Variants in BCL6 observed in about 807,000 individuals in gnomAD.
BCL6 encodes the protein BCL6 transcription repressor.
In BCL6, 7 loss-of-function variants were observed where a neutral mutation model predicts 59.5. The observed-to-expected ratio is 0.12, with a 90% CI of 0.07 to 0.22. The LOEUF (loss-of-function observed/expected upper bound fraction) is 0.22. Among genes scored for constraint, BCL6 ranks in the 10% least tolerant of loss-of-function variants. The pLI is 1.00. For synonymous variants in BCL6, 339 were observed against 349.7 expected, an observed-to-expected ratio of 0.97 and a Z score of 0.34; for missense variants, 685 against 939.4, an observed-to-expected ratio of 0.73 and a Z score of 3.54.
rs377166099 is a variant in BCL6 at position 187,731,793 on chromosome 3, C to T, written c.299G>A (p.Gly100Asp). ...MYTSRLNLRE[G>D]NIMAVMATAM... ...CGTGGCCATCACAGCCATGATGTTG[C>T]CCTCCCGCAAATTGAGCCGAGATGT... Residue 100 changes from glycine to aspartate, a missense_variant, in exon 4 of 10, where the codon GGC becomes GAC. This residue lies in a region of BCL6 where 102 missense variants were observed against 176.6 expected (regional missense o/e 0.58). Transcript: ENST00000406870. 1.2e-6 allele frequency: 2 copies of T among 1,614,162 alleles called. No homozygotes were observed. The highest frequency in any genetic ancestry group is 1.7e-6 in the Non-Finnish European group (2 of 1,180,030).
Position 187,722,313 on chromosome 3 carries a change from C to CCCCCCCCCCCCCCA in BCL6, c.*144_*145insTGGGGGGGGGGGGG. The CCCCCCCCCCCCCCA allele has an allele frequency of 2.7e-6, 1 of 367,362 alleles. No homozygotes were observed. The highest frequency in any genetic ancestry group is 4.4e-6 in the Non-Finnish European group (1 of 227,120). The allele number at this position is 367,362 out of a possible 1,614,324, so 22.8% of individuals were successfully genotyped here. A position where few individuals can be genotyped will look rare whatever the true frequency, so the allele number is the denominator to read the frequency against. On this transcript the variant is annotated 3_prime_UTR_variant, in exon 10 of 10. Coordinates refer to ENST00000406870, the MANE Select transcript of BCL6 (RefSeq NM_001706.5). Reference sequence around the variant, plus strand: ...GCTCCCAGTCCCCCAGGCCCCGACCCCCACCACCCCCAACCCCCAGCTATG... The same window carrying CCCCCCCCCCCCCCA: ...GCTCCCAGTCCCCCAGGCCCCGACCCCCCCCCCCCCCCCACCACCACCCCCAACCCCCAGCTATG...
chr3:187,744,277 C>T (rs1427373782), intron 1 of BCL6, among the ~76,000 whole-genome samples: 1 of 152,214 alleles, frequency 6.6e-6, no homozygotes, highest in Admixed American at 6.5e-5. Context: ...TCCCTGAGTC[C>T]CCCCGCACAC....
chr3:187,729,675 G>A lies in BCL6; in HGVS notation c.730C>T (p.Arg244Trp), dbSNP rs529677174. ...SARPVPGEYS[R>W]PTLEVSPNVC... ...TTGGGGGACACCTCCAAAGTCGGCC[G>A]GCTGTACTCACCAGGGACTGGCCTG... is the stretch of plus-strand genomic sequence containing the variant. The change falls in exon 5 of 10, where the codon CGG (arginine) becomes TGG (tryptophan). Residue 244 changes from arginine (R) to tryptophan (W), a missense_variant. Arg to Trp is a moderately radical substitution (Grantham distance 101, BLOSUM62 -3). Around this residue, in one of 7 missense-constraint regions of BCL6, gnomAD observed 268 missense variants for 263.8 expected, o/e 1.02. Coordinates refer to ENST00000406870, the MANE Select transcript of BCL6 (RefSeq NM_001706.5). The surrounding 1 kb of genome is among the most constrained non-coding windows in gnomAD (Gnocchi z 5.6). 3.5e-5 allele frequency: 56 copies of A among 1,614,128 alleles called. No homozygotes were observed. The highest frequency in any genetic ancestry group is 4.5e-5 in the Non-Finnish European group (53 of 1,180,016).
intron 2 of BCL6, chr3:187,734,363 A>C (rs1387450473): frequency 6.5e-6 from 1 of 154,170 alleles, no homozygotes; most frequent in Non-Finnish European, 1.4e-5. Context: ...TTTTAAGATT[A>C]TCAGGCTAGA....
chr3:187,725,362 C>A lies in BCL6; in HGVS notation c.1839+137G>T. 4 of 1,494,514 alleles carry A rather than the reference C, an allele frequency of 2.7e-6. No individual in the cohort carries two copies. The highest frequency in any genetic ancestry group is 3.6e-6 in the Non-Finnish European group (4 of 1,117,204). 92.6% of individuals were successfully genotyped at this position (1,494,514 alleles called of 1,614,324 possible). Reference sequence around the variant, plus strand: ...GGACTGAGTGGGACTTTCTCCTGCCCGCTCTGCTCACCTGCCCGCTCCGCT... The same window carrying A: ...GGACTGAGTGGGACTTTCTCCTGCCAGCTCTGCTCACCTGCCCGCTCCGCT... On this transcript the variant is annotated intron_variant, in intron 8 of 9. Coordinates refer to ENST00000406870, the MANE Select transcript of BCL6 (RefSeq NM_001706.5). This position sits in a 1 kb window ranked among gnomAD's most constrained non-coding sequence, Gnocchi z 4.7.
At chr3:187,743,547 T>C (rs535774767) in intron 1 of BCL6, among the ~76,000 whole-genome samples, 1 of 151,812 alleles carries the variant, frequency 6.6e-6, no homozygotes, top group African/African-American at 2.4e-5. Flanking sequence ...AAAAAATCGG[T>C]TTGGTTGTGT....
intron 1 of BCL6, among the ~76,000 whole-genome samples, chr3:187,745,068 C>G (rs562721016): frequency 2.0e-5 from 3 of 152,040 alleles, no homozygotes; most frequent in Admixed American, 6.5e-5. Flanking sequence ...CAAAACAACA[C>G]AAGGGAGGGT....
At chr3:187,723,839 T>C (rs1436185810) in intron 9 of BCL6, among the ~76,000 whole-genome samples, 1 of 152,244 alleles carries the variant, frequency 6.6e-6, no homozygotes. Context: ...TCTGATATCC[T>C]AGGCATCTAA....
intron 4 of BCL6, among the ~76,000 whole-genome samples, chr3:187,730,644 C>T (rs1004491259): frequency 5.3e-5 from 8 of 152,200 alleles, no homozygotes; most frequent in Non-Finnish European, 1.0e-4. Flanking sequence ...CACTTAGCAG[C>T]TGGTGACATG....
intron 4 of BCL6, 28 bp from the exon 5 acceptor site, chr3:187,730,049 C>T (rs73184659): frequency 0.017 from 26,166 of 1,526,610 alleles, 288 homozygotes; most frequent in Non-Finnish European, 0.021. Context: ...AGGAAAGACA[C>T]CGGCCCCAAA....
At chr3:187,744,728 A>C (rs1258287916) in intron 1 of BCL6, among the ~76,000 whole-genome samples, 1 of 152,012 alleles carries the variant, frequency 6.6e-6, no homozygotes, top group African/African-American at 2.4e-5. Context: ...TGCCTCCCGG[A>C]GTTACCCAGA....
Position 187,725,310 on chromosome 3 carries a change from C to T in BCL6, c.1839+189G>A, listed in dbSNP as rs535937461. On this transcript the variant is annotated intron_variant, in intron 8 of 9. Coordinates refer to ENST00000406870, the MANE Select transcript of BCL6 (RefSeq NM_001706.5). The surrounding 1 kb of genome is among the most constrained non-coding windows in gnomAD (Gnocchi z 4.7). ...CTGCTCACCTGCCCGCTCTGCTCAC[C>T]TGCCCGCTCTGCTCACCTGCACACG... 1.3e-5 allele frequency among the ~76,000 whole-genome samples: 2 copies of T among 152,030 alleles called. No homozygotes were observed. Among genetic ancestry groups the T allele is most frequent in the South Asian group, 4.2e-4 (2 of 4,796 alleles).
intron 6 of BCL6, among the ~76,000 whole-genome samples, chr3:187,727,419 A>G (rs1718769383): frequency 6.6e-6 from 1 of 152,216 alleles, no homozygotes; most frequent in Non-Finnish European, 1.5e-5. Context: ...AATGTAAGAT[A>G]TAGGTCAAAT....
chr3:187,729,223 C>G lies in BCL6; in HGVS notation c.1182G>C (p.Gly394=), dbSNP rs745644008. Residue 394 remains glycine, a synonymous_variant, in exon 5 of 10, where the codon GGG becomes GGC. Transcript: ENST00000406870. The surrounding 1 kb of genome is among the most constrained non-coding windows in gnomAD (Gnocchi z 5.6). ...NSLNQNAKPE[G]PEQAELGRLS... is the part of the protein sequence containing the mutation. Reference sequence around the variant, plus strand: ...GGCGGCCCAGCTCAGCCTGCTCAGGCCCCTCTGGTTTGGCATTCTGGTTGA... The same window carrying G: ...GGCGGCCCAGCTCAGCCTGCTCAGGGCCCTCTGGTTTGGCATTCTGGTTGA... 4.5e-5 allele frequency: 73 copies of G among 1,613,980 alleles called. No homozygotes were observed. Among genetic ancestry groups the G allele is most frequent in the Middle Eastern group, 1.6e-4 (1 of 6,080 alleles).
chr3:187,725,635 A>G lies in BCL6; in HGVS notation c.1709-6T>C, dbSNP rs1192834826. On this transcript the variant is annotated splice_polypyrimidine_tract_variant and splice_region_variant and intron_variant, in intron 7 of 9. Transcript: ENST00000406870. This position sits in a 1 kb window ranked among gnomAD's most constrained non-coding sequence, Gnocchi z 4.7. ...GCAACGATAGGGTTTCTCACCTATTACCAAGAAAAAGGGAAAAAGAAAAGC... is the reference window on the plus strand; with the variant it reads ...GCAACGATAGGGTTTCTCACCTATTGCCAAGAAAAAGGGAAAAAGAAAAGC... The G allele has an allele frequency of 1.9e-6, 3 of 1,613,990 alleles. No individual in the cohort carries two copies.
intron 1 of BCL6, among the ~76,000 whole-genome samples, chr3:187,743,570 TG>T (rs887745503): frequency 2.0e-5 from 3 of 152,092 alleles, no homozygotes; most frequent in Non-Finnish European, 4.4e-5. Flanking sequence ...TTGTTTTCCA[TG>T]GGGGAGCTTT....
chr3:187,724,700 C>T (rs1438798511), intron 9 of BCL6: 1 of 543,714 alleles, frequency 1.8e-6, no homozygotes, highest in East Asian at 3.2e-5. Flanking sequence ...CACCTAGTCC[C>T]ATACCCTCAT....
At position 187,736,581 on chromosome 3, in the gene BCL6, C is replaced by G. The variant is rs141523261; in HGVS notation, c.-49-1674G>C. 4.6e-5 allele frequency: 7 copies of G among 152,314 alleles called. No homozygotes were observed. In the East Asian group the frequency reaches 1.4e-3, roughly 29 times the overall value. 9.4% of individuals were successfully genotyped at this position (152,314 alleles called of 1,614,324 possible). On this transcript the variant is annotated intron_variant, in intron 1 of 9. Transcript: ENST00000406870. Reference sequence around the variant, plus strand: ...CCATGACAAGTGGCAATGACTCACTCCAGATGCGGATTGAAACAAACAAAC... The same window carrying G: ...CCATGACAAGTGGCAATGACTCACTGCAGATGCGGATTGAAACAAACAAAC...
intron 6 of BCL6, 81 bp downstream of exon 6, chr3:187,728,279 T>G: frequency 7.4e-7 from 1 of 1,356,006 alleles, no homozygotes; most frequent in Non-Finnish European, 9.9e-7. Context: ...GACAACAGCA[T>G]AAGTAAAATG....
Sources: gnomAD v4.1 joint callset for allele counts (sites outside exome capture counted in the v4.1 genomes callset) on GRCh38, gnomAD v4.1.1 for gene constraint, gnomAD v4.1.1 regional missense constraint, Gnocchi (gnomAD v3.1) non-coding constraint, MANE v1.5 for transcripts, NCBI Gene and HGNC (gene_info 2026-07-23, HGNC 2026-07-21) for gene names.